ACKR3: variants seen among roughly 807,000 people sequenced by gnomAD.
The protein encoded by ACKR3 is C-X-C chemokine receptor type 7.
Under a neutral mutation model 22.4 loss-of-function variants are expected in ACKR3, and 6 were observed. The ratio of observed to expected loss-of-function variants is 0.27; its 90% CI spans 0.15 to 0.53. The LOEUF (loss-of-function observed/expected upper bound fraction) is 0.53, where lower values mean the gene tolerates loss of function less well. Among genes scored for constraint, ACKR3 ranks in the 20% least tolerant of loss-of-function variants. The pLI, the probability that ACKR3 is intolerant of heterozygous loss-of-function variation, is 0.96. For synonymous variants in ACKR3, 209 were observed against 205.2 expected (o/e 1.02, Z -0.16); for missense variants, 396 against 475.2 (o/e 0.83, Z 1.55).
the ACKR3 span, among the ~76,000 whole-genome samples, chr2:236,548,294 T>C: frequency 6.6e-6 from 1 of 152,200 alleles, no homozygotes; most frequent in Non-Finnish European, 1.5e-5. The surrounding 1 kb of genome is among the most constrained non-coding windows in gnomAD (Gnocchi z 4.3). Context: ...AGGTTGAGAA[T>C]GCCTCTCCCA....
At chr2:236,554,562 G>A in the ACKR3 span, among the ~76,000 whole-genome samples, 1 of 152,210 alleles carries the variant, frequency 6.6e-6, no homozygotes, top group East Asian at 1.9e-4. Flanking sequence ...AGGTTTTGGA[G>A]AGAGCACTGC....
At chr2:236,567,947 TGCGGGGCTGGGTGCAGGCCGTGGGTGGGC>T (rs1170284517), upstream of ACKR3, 1 of 120,726 alleles carries the variant, frequency 8.3e-6, no homozygotes, top group Non-Finnish European at 1.7e-5. Flanking sequence ...CGTGTGTGGG[TGCGGGGCTGGGTGCAGGCCGTGGGTGGGC>T]GCGGGGCCGG....
At chr2:236,541,449 T>A in the ACKR3 span, among the ~76,000 whole-genome samples, 1 of 152,190 alleles carries the variant, frequency 6.6e-6, no homozygotes, top group Non-Finnish European at 1.5e-5. Context: ...TCTCTCCTTC[T>A]CAGAAATGTG....
the ACKR3 span, among the ~76,000 whole-genome samples, chr2:236,543,409 G>T: frequency 6.6e-6 from 1 of 152,206 alleles, no homozygotes; most frequent in Non-Finnish European, 1.5e-5. Context: ...AAAGTTTGAG[G>T]CCACTCTGCA....
the ACKR3 span, among the ~76,000 whole-genome samples, chr2:236,552,157 T>C: frequency 3.9e-5 from 6 of 152,086 alleles, no homozygotes; most frequent in African/African-American, 1.5e-4. Context: ...AGCAAAATGG[T>C]GCTGGTCTTT....
intron 1 of ACKR3, among the ~76,000 whole-genome samples, chr2:236,573,190 G>GCACACACACACACACA (rs147207140): frequency 2.0e-5 from 3 of 151,094 alleles, no homozygotes; most frequent in African/African-American, 7.3e-5. Context: ...ACACACACAT[G>GCACACACACACACACA]CACACACACA....
the ACKR3 span, among the ~76,000 whole-genome samples, chr2:236,541,342 G>A: frequency 6.6e-6 from 1 of 152,118 alleles, no homozygotes; most frequent in South Asian, 2.1e-4. Context: ...ACCAAAGAAC[G>A]TGTGGTTCAT....
chr2:236,553,384 A>G, the ACKR3 span, among the ~76,000 whole-genome samples: 1 of 152,270 alleles, frequency 6.6e-6, no homozygotes, highest in Non-Finnish European at 1.5e-5. Flanking sequence ...ATATACGCTT[A>G]CAGTCCCTTA....
the ACKR3 span, among the ~76,000 whole-genome samples, chr2:236,560,572 T>C: frequency 6.6e-6 from 1 of 152,184 alleles, no homozygotes; most frequent in African/African-American, 2.4e-5. Context: ...TTATATATTT[T>C]AGAGATTAAC....
chr2:236,568,839 CT>C (rs1691244981), upstream of ACKR3, among the ~76,000 whole-genome samples: 1 of 152,162 alleles, frequency 6.6e-6, no homozygotes, highest in African/African-American at 2.4e-5. Flanking sequence ...GTGAATACAG[CT>C]GGTGCCTTCA....
the ACKR3 span, among the ~76,000 whole-genome samples, chr2:236,550,887 G>T: frequency 1.3e-5 from 2 of 152,140 alleles, no homozygotes; most frequent in Non-Finnish European, 2.9e-5. The surrounding 1 kb of genome is among the most constrained non-coding windows in gnomAD (Gnocchi z 4.6). Context: ...CGGCTGCCCC[G>T]GCTGGGTGGC....
intron 1 of ACKR3, among the ~76,000 whole-genome samples, chr2:236,571,725 G>T (rs1371800368): frequency 3.3e-5 from 5 of 151,358 alleles, no homozygotes; most frequent in Non-Finnish European, 7.4e-5. Context: ...TTTTCAAGTC[G>T]ACGTGAGGGA....
Position 236,581,834 on chromosome 2 carries a change from T to C in ACKR3, c.*280T>C, listed in dbSNP as rs1033115357. Reference sequence around the variant, plus strand: ...CAGGCTTGCCTGGACTTCTGTAAGATAGGATTTTCTGTGTTTCCTGAATTT... The same window carrying C: ...CAGGCTTGCCTGGACTTCTGTAAGACAGGATTTTCTGTGTTTCCTGAATTT... On this transcript the variant is annotated 3_prime_UTR_variant, in exon 2 of 2. Transcript: ENST00000272928. This position sits in a 1 kb window ranked among gnomAD's most constrained non-coding sequence, Gnocchi z 4.4. The C allele has an allele frequency of 3.1e-5, 9 of 292,718 alleles. No individual in the cohort carries two copies. The highest frequency in any genetic ancestry group is 1.3e-4 in the South Asian group (1 of 7,600). 18.1% of individuals were successfully genotyped at this position (292,718 alleles called of 1,614,324 possible). A position where few individuals can be genotyped will look rare whatever the true frequency, so the allele number is the denominator to read the frequency against.
At chr2:236,573,579 G>A (rs1691351771) in intron 1 of ACKR3, among the ~76,000 whole-genome samples, 1 of 152,258 alleles carries the variant, frequency 6.6e-6, no homozygotes, top group Admixed American at 6.5e-5. Flanking sequence ...CAGTGAAGGA[G>A]GCAGAAGTCC....
upstream of ACKR3, among the ~76,000 whole-genome samples, chr2:236,569,240 A>G (rs1469213506): frequency 5.3e-5 from 8 of 152,230 alleles, no homozygotes; most frequent in African/African-American, 1.9e-4. Context: ...CTTTACAAAT[A>G]AAAGTATTCA....
the ACKR3 span, among the ~76,000 whole-genome samples, chr2:236,537,887 T>TCAAG: frequency 6.6e-6 from 1 of 152,214 alleles, no homozygotes; most frequent in Non-Finnish European, 1.5e-5. Flanking sequence ...TCATGCTCTT[T>TCAAG]CAAGCAAGCA....
the ACKR3 span, among the ~76,000 whole-genome samples, chr2:236,552,947 C>G: frequency 2.0e-5 from 3 of 152,222 alleles, no homozygotes; most frequent in Non-Finnish European, 4.4e-5. Flanking sequence ...TAGCCAGGAT[C>G]AGGTTATTCT....
At chr2:236,556,746 T>C in the ACKR3 span, among the ~76,000 whole-genome samples, 1 of 152,230 alleles carries the variant, frequency 6.6e-6, no homozygotes, top group African/African-American at 2.4e-5. Context: ...TGGAATGCCA[T>C]GTTGTGATCT....
chr2:236,578,539 T>TAA (rs1691459611), intron 1 of ACKR3, among the ~76,000 whole-genome samples: 2 of 152,222 alleles, frequency 1.3e-5, no homozygotes, highest in African/African-American at 4.8e-5. Context: ...CCCAGCCCTT[T>TAA]CTGTCAGCCG....
Sources: gnomAD v4.1 joint callset for allele counts (sites outside exome capture counted in the v4.1 genomes callset) on GRCh38, gnomAD v4.1.1 for gene constraint, Gnocchi (gnomAD v3.1) non-coding constraint, MANE v1.5 for transcripts, NCBI Gene and HGNC (gene_info 2026-07-23, HGNC 2026-07-21) for gene names.